DNER: variants seen among roughly 807,000 people sequenced by gnomAD.
The protein encoded by DNER is delta/notch like EGF repeat containing.
DNER carries 33 observed loss-of-function variants against 78.2 expected under a neutral mutation model. That is an observed-to-expected ratio of 0.42 (90% confidence interval 0.32 to 0.56). The LOEUF (loss-of-function observed/expected upper bound fraction) is 0.56, where lower values mean the gene tolerates loss of function less well. DNER is among the 20% of genes least tolerant of loss of function. The pLI, the probability that DNER is intolerant of heterozygous loss-of-function variation, is 0.11. For missense variants in DNER, 918 were observed against 975.3 expected (o/e 0.94, Z 0.78); for synonymous variants, 417 against 384.8 (o/e 1.08, Z -0.98).
chr2:229,484,273 C>T (rs2216535), intron 6 of DNER, among the ~76,000 whole-genome samples: 19,011 of 152,178 alleles, frequency 0.12, 1,316 homozygotes, highest in South Asian at 0.2. Context: ...TGCAGAGCTA[C>T]TGAAGTAAAA....
chr2:229,627,879 A>AG (rs1351388720), intron 1 of DNER, among the ~76,000 whole-genome samples: 1 of 152,180 alleles, frequency 6.6e-6, no homozygotes, highest in Admixed American at 6.5e-5. Flanking sequence ...TGCAGTGGTG[A>AG]GAGGCAGCAG....
At chr2:229,669,619 G>A (rs1443694805) in intron 1 of DNER, among the ~76,000 whole-genome samples, 1 of 151,826 alleles carries the variant, frequency 6.6e-6, no homozygotes, top group Non-Finnish European at 1.5e-5. Flanking sequence ...TCCTTGAAGG[G>A]GTCCTTCACA....
intron 1 of DNER, among the ~76,000 whole-genome samples, chr2:229,648,625 A>G (rs572357703): frequency 6.6e-6 from 1 of 152,330 alleles, no homozygotes; most frequent in African/African-American, 2.4e-5. Context: ...ATATTTTAGA[A>G]TATCTAGTTT....
At chr2:229,551,645 T>A (rs1232516166) in intron 4 of DNER, among the ~76,000 whole-genome samples, 2 of 134,002 alleles carry the variant, frequency 1.5e-5, no homozygotes, top group South Asian at 2.3e-4. Flanking sequence ...AAAAAAAACA[T>A]AAATAAGGAA....
At position 229,402,410 on chromosome 2, in the gene DNER, A is replaced by G. The variant is rs576409253; in HGVS notation, c.1723+4822T>C. 6.6e-5 allele frequency among the ~76,000 whole-genome samples: 10 copies of G among 152,380 alleles called. No individual in the cohort carries two copies. The East Asian group carries it at 1.9e-3, about 29-fold the overall frequency. ...AGATGCTGAGCATCAAAGAAATTCA[A>G]TGAAAATGTCAATGAAATTAAAGCA... On this transcript the variant is annotated intron_variant, in intron 10 of 12. Transcript: ENST00000341772.
intron 11 of DNER, among the ~76,000 whole-genome samples, chr2:229,385,891 C>T (rs952281140): frequency 3.9e-5 from 6 of 152,104 alleles, no homozygotes; most frequent in Non-Finnish European, 8.8e-5. Flanking sequence ...AATGGCCATA[C>T]TGCCCAAAGT....
chr2:229,369,520 A>G (rs1692433087), intron 11 of DNER, among the ~76,000 whole-genome samples: 1 of 152,150 alleles, frequency 6.6e-6, no homozygotes, highest in South Asian at 2.1e-4. Context: ...AAAGTTAAAG[A>G]GTCCACTCCT....
intron 1 of DNER, among the ~76,000 whole-genome samples, chr2:229,640,200 T>C (rs1698592540): frequency 6.6e-6 from 1 of 152,240 alleles, no homozygotes; most frequent in Non-Finnish European, 1.5e-5. Flanking sequence ...CAAGTGTGCT[T>C]TCGTGAAGTA....
chr2:229,665,463 A>C (rs1185491819), intron 1 of DNER, among the ~76,000 whole-genome samples: 1 of 152,186 alleles, frequency 6.6e-6, no homozygotes, highest in East Asian at 1.9e-4. Flanking sequence ...AAACAGTCTA[A>C]TAACTCTAAC....
intron 1 of DNER, among the ~76,000 whole-genome samples, chr2:229,673,911 C>T (rs1281534799): frequency 6.6e-6 from 1 of 152,220 alleles, no homozygotes; most frequent in East Asian, 1.9e-4. Flanking sequence ...TGGGTTTGGC[C>T]AACAGAGTGC....
At chr2:229,617,511 T>C (rs994828828) in intron 1 of DNER, among the ~76,000 whole-genome samples, 63 of 152,306 alleles carry the variant, frequency 4.1e-4, no homozygotes, top group African/African-American at 1.5e-3. Flanking sequence ...ACTAAACACA[T>C]TGGTTGTATC....
rs569153608 is a variant in DNER, at chr2:229,643,966, A to C, written c.277-52078T>G. Among the ~76,000 whole-genome samples, 7 of 152,214 alleles carry C rather than the reference A, an allele frequency of 4.6e-5. 1 individual carries two copies. The South Asian group carries it at 1.4e-3, about 32-fold the overall frequency. The stretch of plus-strand genomic sequence containing the variant: ...GGTAAGAACCACGCAAATGCCCCTC[A>C]TCACCACTTCAGTGCTTTGCACCAA... On this transcript the variant is annotated intron_variant, in intron 1 of 12. Transcript: ENST00000341772.
chr2:229,459,608 T>C (rs1462972332), intron 7 of DNER, among the ~76,000 whole-genome samples: 2 of 152,134 alleles, frequency 1.3e-5, no homozygotes, highest in Admixed American at 6.5e-5. Flanking sequence ...AACACTCATC[T>C]AGTAACTGGG....
rs554286238 is a variant in DNER, at chr2:229,448,852, G to A, written c.1262-1312C>T. Among the ~76,000 whole-genome samples, 10 of 152,108 alleles carry A rather than the reference G, an allele frequency of 6.6e-5. No individual in the cohort carries two copies. In the South Asian group the frequency reaches 1.2e-3, roughly 19 times the overall value. ...TTTGTATTCTAATAGTCTATTACAC[G>A]TCTCTTGTTTACATTTAAGTTTCTA... On this transcript the variant is annotated intron_variant, in intron 7 of 12. Coordinates refer to ENST00000341772, the MANE Select transcript of DNER (RefSeq NM_139072.4).
chr2:229,432,550 A>T (rs1179510199), intron 8 of DNER, among the ~76,000 whole-genome samples: 1 of 152,218 alleles, frequency 6.6e-6, no homozygotes, highest in Non-Finnish European at 1.5e-5. Context: ...TTCACAATCA[A>T]TTGGTTAAAT....
chr2:229,391,485 A>G (rs1191805885), intron 10 of DNER, among the ~76,000 whole-genome samples: 1 of 152,182 alleles, frequency 6.6e-6, no homozygotes, highest in East Asian at 1.9e-4. Context: ...TGAAATTTCT[A>G]CTTGACTAAG....
chr2:229,542,131 C>T (rs1019305443), intron 5 of DNER, among the ~76,000 whole-genome samples: 1 of 151,848 alleles, frequency 6.6e-6, no homozygotes, highest in Non-Finnish European at 1.5e-5. Context: ...CCAAGAGCCC[C>T]GTGCTGATGC....
intron 1 of DNER, among the ~76,000 whole-genome samples, chr2:229,686,051 C>G (rs1699477447): frequency 6.6e-6 from 1 of 152,028 alleles, no homozygotes; most frequent in Non-Finnish European, 1.5e-5. Flanking sequence ...GTGCTGGGTG[C>G]CCCTCTGAGA....
At chr2:229,576,551 G>A (rs1697305185) in intron 4 of DNER, among the ~76,000 whole-genome samples, 2 of 152,074 alleles carry the variant, frequency 1.3e-5, no homozygotes, top group Admixed American at 1.3e-4. Context: ...ACGAACATGT[G>A]GTCATCATGG....
Sources: allele counts gnomAD v4.1 joint callset (sites outside exome capture counted in the v4.1 genomes callset), GRCh38; gene constraint gnomAD v4.1.1; transcripts MANE v1.5; gene names NCBI Gene and HGNC (gene_info 2026-07-23, HGNC 2026-07-21).